The following PRKN variants were observed in gnomAD, a reference collection of about 807,000 sequenced individuals.
PRKN encodes parkin RBR E3 ubiquitin protein ligase, also known as E3 ubiquitin-protein ligase parkin.
Under a neutral mutation model 59.5 loss-of-function variants are expected in PRKN, and 56 were observed. The ratio of observed to expected loss-of-function variants is 0.94; its 90% CI spans 0.76 to 1.18. PRKN has a LOEUF of 1.18. PRKN is among the 50% of genes most tolerant of loss of function. The probability of loss-of-function intolerance (pLI) is 0.00; values close to 1 mark genes in which losing one functional copy is unlikely to be tolerated. For missense variants in PRKN, 657 were observed against 596.4 expected (o/e 1.10, Z -1.06); for synonymous variants, 250 against 222.1 (o/e 1.13, Z -1.12).
At chr6:162,227,933 TA>T (rs200671069) in intron 3 of PRKN, among the ~76,000 whole-genome samples, 6,350 of 141,814 alleles carry the variant, frequency 0.045, 309 homozygotes, top group African/African-American at 0.12. Flanking sequence ...GTAGTTCCAT[TA>T]AAAAAAAAAA....
chr6:162,139,291 A>G (rs935001950), intron 4 of PRKN, among the ~76,000 whole-genome samples: 8 of 152,356 alleles, frequency 5.3e-5, no homozygotes, highest in East Asian at 1.9e-4. Context: ...ACCTATCACC[A>G]TCTTAAGTCC....
intron 6 of PRKN, among the ~76,000 whole-genome samples, chr6:161,896,883 AG>A (rs1274231803): frequency 6.6e-6 from 1 of 152,234 alleles, no homozygotes; most frequent in Non-Finnish European, 1.5e-5. Context: ...TAATATTCAG[AG>A]GACAGAAGAA....
rs1005498778 is a variant in PRKN at position 161,554,729 on chromosome 6, T to C, written c.934-5726A>G. ...TACAGGGATTGTGTGTGTGTGTGTG[T>C]GTGTGTATATATATATATATATATA... On this transcript the variant is annotated intron_variant, in intron 8 of 11. Coordinates refer to ENST00000366898, the MANE Select transcript of PRKN (RefSeq NM_004562.3). This position sits in a 1 kb window ranked among gnomAD's most constrained non-coding sequence, Gnocchi z 4.5. 2.2e-4 allele frequency among the ~76,000 whole-genome samples: 30 copies of C among 138,756 alleles called. No homozygotes were observed. Among genetic ancestry groups the C allele is most frequent in the Non-Finnish European group, 4.1e-4 (26 of 64,194 alleles). The allele number at this position is 138,756 out of a possible 152,430, so 91.0% of individuals were successfully genotyped here. A position where few individuals can be genotyped will look rare whatever the true frequency, so the allele number is the denominator to read the frequency against.
At chr6:162,449,903 C>T in intron 1 of PRKN, among the ~76,000 whole-genome samples, 1 of 152,154 alleles carries the variant, frequency 6.6e-6, no homozygotes, top group East Asian at 1.9e-4. Flanking sequence ...GTTAGGGGGT[C>T]CACATCAGGA....
intron 1 of PRKN, among the ~76,000 whole-genome samples, chr6:162,449,235 CG>C (rs1562773026): frequency 6.6e-6 from 1 of 152,146 alleles, no homozygotes; most frequent in African/African-American, 2.4e-5. Flanking sequence ...GATATCTACA[CG>C]GATGTCCAGT....
At chr6:162,231,184 AT>A (rs1156766489) in intron 3 of PRKN, among the ~76,000 whole-genome samples, 1 of 152,062 alleles carries the variant, frequency 6.6e-6, no homozygotes, top group Admixed American at 6.6e-5. Context: ...CAAAGAAAAT[AT>A]TTCAGAGAGC....
chr6:161,441,434 C>G (rs1789217085), intron 9 of PRKN, among the ~76,000 whole-genome samples: 1 of 151,908 alleles, frequency 6.6e-6, no homozygotes, highest in East Asian at 1.9e-4. Flanking sequence ...CACTTGAGGT[C>G]AGGAGTTTGA....
chr6:162,058,821 G>A (rs144969719), intron 4 of PRKN, among the ~76,000 whole-genome samples: 5 of 151,920 alleles, frequency 3.3e-5, no homozygotes, highest in Admixed American at 6.6e-5. Context: ...GCATGGTGGC[G>A]GGTGCCTGTA....
chr6:161,653,720 T>C (rs892107104), intron 7 of PRKN, among the ~76,000 whole-genome samples: 1 of 152,242 alleles, frequency 6.6e-6, no homozygotes, highest in Non-Finnish European at 1.5e-5. Flanking sequence ...TAAGGTCTGA[T>C]GTATCTGTTG....
intron 2 of PRKN, among the ~76,000 whole-genome samples, chr6:162,330,349 C>T (rs1411180110): frequency 1.3e-5 from 2 of 152,044 alleles, no homozygotes; most frequent in Non-Finnish European, 2.9e-5. Context: ...GGAAAGGGGA[C>T]CTTCTTTATA....
chr6:162,168,113 G>A (rs1194933256), intron 4 of PRKN, among the ~76,000 whole-genome samples: 1 of 152,120 alleles, frequency 6.6e-6, no homozygotes, highest in East Asian at 1.9e-4. Flanking sequence ...AGAAGTATAA[G>A]TCAAATTATA....
chr6:161,528,342 C>A (rs916148742), intron 9 of PRKN, among the ~76,000 whole-genome samples: 1 of 152,076 alleles, frequency 6.6e-6, no homozygotes, highest in Non-Finnish European at 1.5e-5. Context: ...AATGTGGCCT[C>A]TCATACACTC....
rs115547284 is a variant in PRKN, at chr6:161,864,652, G to A, written c.735-78744C>T. Among the ~76,000 whole-genome samples the A allele has an allele frequency of 3.8e-3, 572 of 151,934 alleles. 5 individuals carry two copies. The highest frequency in any genetic ancestry group is 0.013 in the African/African-American group (535 of 41,408). On this transcript the variant is annotated intron_variant, in intron 6 of 11. Coordinates refer to ENST00000366898, the MANE Select transcript of PRKN (RefSeq NM_004562.3). ...TGTTTTTGTTTGTTTGTTTGTTTTT[G>A]TTTTAGTTTGTTTTGTTTTTTTGAG...
chr6:162,544,232 C>A (rs1779032149), intron 1 of PRKN, among the ~76,000 whole-genome samples: 1 of 152,094 alleles, frequency 6.6e-6, no homozygotes, highest in Non-Finnish European at 1.5e-5. Flanking sequence ...TAAAATAACA[C>A]AACCCTGAGG....
intron 4 of PRKN, among the ~76,000 whole-genome samples, chr6:162,083,807 G>A (rs1779153792): frequency 6.6e-6 from 1 of 151,954 alleles, no homozygotes; most frequent in South Asian, 2.1e-4. Flanking sequence ...TACATTTCAG[G>A]TTAAAGAAAT....
Position 161,527,182 on chromosome 6 carries a change from C to G in PRKN, c.1083+21672G>C, listed in dbSNP as rs1779046222. On this transcript the variant is annotated intron_variant, in intron 9 of 11. Coordinates refer to ENST00000366898, the MANE Select transcript of PRKN (RefSeq NM_004562.3). This position sits in a 1 kb window ranked among gnomAD's most constrained non-coding sequence, Gnocchi z 4.6. ...TATTTTCCTTTATAGATATAGATTT[C>G]TTTTACAAAAGAACAGCTATTCAGA... Among the ~76,000 whole-genome samples, 2 of 152,136 alleles carry G rather than the reference C, an allele frequency of 1.3e-5. No individual in the cohort carries two copies. The highest frequency in any genetic ancestry group is 2.9e-5 in the Non-Finnish European group (2 of 68,028).
intron 6 of PRKN, among the ~76,000 whole-genome samples, chr6:161,928,830 C>T (rs529449452): frequency 6.6e-6 from 1 of 152,178 alleles, no homozygotes; most frequent in East Asian, 1.9e-4. Flanking sequence ...ATCTTTCTGC[C>T]CCTAAGCCTT....
rs1582887534 is a variant in PRKN, at chr6:161,610,731, G to A, written c.872-41315C>T. Reference sequence around the variant, plus strand: ...AGGGAGGATGTGGAGGAAGGTCTGGGGGAGGCTATCAGCTGTGCACAGTGC... The same window carrying A: ...AGGGAGGATGTGGAGGAAGGTCTGGAGGAGGCTATCAGCTGTGCACAGTGC... On this transcript the variant is annotated intron_variant, in intron 7 of 11. Coordinates refer to ENST00000366898, the MANE Select transcript of PRKN (RefSeq NM_004562.3). Among the ~76,000 whole-genome samples the A allele has an allele frequency of 2.6e-5, 4 of 152,174 alleles. No homozygotes were observed. The South Asian group carries it at 8.3e-4, about 32-fold the overall frequency.
chr6:162,056,873 G>A lies in PRKN; in HGVS notation c.535-2699C>T, dbSNP rs1777888132. 6.6e-6 allele frequency among the ~76,000 whole-genome samples: 1 copy of A among 152,154 alleles called. No individual in the cohort carries two copies. The highest frequency in any genetic ancestry group is 2.1e-4 in the South Asian group (1 of 4,830). On this transcript the variant is annotated intron_variant, in intron 4 of 11. Coordinates refer to ENST00000366898, the MANE Select transcript of PRKN (RefSeq NM_004562.3). This position sits in a 1 kb window ranked among gnomAD's most constrained non-coding sequence, Gnocchi z 4.9. ...TGGCAGACAACACTTCACACGCGTT[G>A]TCACAACTGAGTGCCTCTCGAGTGA...
Sources: gnomAD v4.1 joint callset for allele counts (sites outside exome capture counted in the v4.1 genomes callset) on GRCh38, gnomAD v4.1.1 for gene constraint, Gnocchi (gnomAD v3.1) non-coding constraint, MANE v1.5 for transcripts, NCBI Gene and HGNC (gene_info 2026-07-23, HGNC 2026-07-21) for gene names.